The following KCNJ15 variants were observed in gnomAD, a reference collection of about 807,000 sequenced individuals.
KCNJ15 encodes the protein potassium inwardly rectifying channel subfamily J member 15, also known as ATP-sensitive inward rectifier potassium channel 15.
A neutral mutation model predicts 23.0 loss-of-function variants in KCNJ15; 14 were observed. The ratio of observed to expected loss-of-function variants is 0.61; its 90% CI spans 0.40 to 0.95. The LOEUF (loss-of-function observed/expected upper bound fraction) is 0.95, where lower values mean the gene tolerates loss of function less well. Ranked by LOEUF, KCNJ15 falls within the 40% of genes least tolerant of loss-of-function variation. The probability of loss-of-function intolerance (pLI) is 0.00; values close to 1 mark genes in which losing one functional copy is unlikely to be tolerated. For synonymous variants in KCNJ15, 185 were observed against 183.2 expected, an observed-to-expected ratio of 1.01 and a Z score of -0.08; for missense variants, 388 against 461.8, an observed-to-expected ratio of 0.84 and a Z score of 1.46.
Position 38,238,954 on chromosome 21 carries a change from T to A in KCNJ15, c.-398-18092T>A, listed in dbSNP as rs558898006. Among the ~76,000 whole-genome samples, 3 of 152,300 alleles carry A rather than the reference T, an allele frequency of 2.0e-5. 1 individual carries two copies. The highest frequency in any genetic ancestry group is 7.2e-5 in the African/African-American group (3 of 41,558). On this transcript the variant is annotated intron_variant, in intron 1 of 4. Coordinates refer to the KCNJ15 transcript ENST00000547341. ...ATTCTGCAGTTGAAAAGCAAGTCAC[T>A]TGGGAAGATCTGCAAGTTAAAGCCC...
intron 1 of KCNJ15, among the ~76,000 whole-genome samples, chr21:38,238,867 T>C (rs1319290369): frequency 1.3e-5 from 2 of 152,254 alleles, no homozygotes; most frequent in Non-Finnish European, 2.9e-5. Context: ...TTCAGTTCTC[T>C]CTTTAACCTT....
In KCNJ15 at chr21:38,299,802, A is replaced by C. The variant is rs751832328; in HGVS notation, c.541A>C (p.Ser181Arg). ...PKKRAETIKF[S>R]HCAVITKQNG... ...AAAGCGGGCTGAGACCATCAAGTTCAGCCACTGTGCAGTCATCACCAAGCA... is the reference window on the plus strand; with the variant it reads ...AAAGCGGGCTGAGACCATCAAGTTCCGCCACTGTGCAGTCATCACCAAGCA... The change falls in exon 3 of 3, where the codon AGC becomes CGC. Residue 181 changes from serine (S) to arginine (R), a missense_variant. Physicochemically the swap from Ser to Arg is moderately radical, Grantham distance 110. Transcript: ENST00000398938. This position sits in a 1 kb window ranked among gnomAD's most constrained non-coding sequence, Gnocchi z 4.5. 5 of 1,614,148 alleles carry C rather than the reference A, an allele frequency of 3.1e-6. No individual in the cohort carries two copies. The highest frequency in any genetic ancestry group is 4.2e-6 in the Non-Finnish European group (5 of 1,180,032).
intron 1 of KCNJ15, among the ~76,000 whole-genome samples, chr21:38,262,533 T>C (rs1981022065): frequency 6.6e-6 from 1 of 152,170 alleles, no homozygotes; most frequent in African/African-American, 2.4e-5. Context: ...CAGAATACAA[T>C]GGTACTGTAT....
At chr21:38,254,661 T>A (rs1024511990), upstream of KCNJ15, among the ~76,000 whole-genome samples, 1 of 152,218 alleles carries the variant, frequency 6.6e-6, no homozygotes, top group Non-Finnish European at 1.5e-5. Flanking sequence ...AATGCATGGA[T>A]TGAAAGTGAA....
At chr21:38,273,656 A>G (rs1403598513) in intron 1 of KCNJ15, among the ~76,000 whole-genome samples, 1 of 152,266 alleles carries the variant, frequency 6.6e-6, no homozygotes, top group African/African-American at 2.4e-5. Context: ...AGAATGGTCC[A>G]TAAAACTAAT....
At chr21:38,260,459 A>G (rs547468978) in intron 1 of KCNJ15, among the ~76,000 whole-genome samples, 1 of 152,354 alleles carries the variant, frequency 6.6e-6, no homozygotes, top group Non-Finnish European at 1.5e-5. Flanking sequence ...TTGTGCCTCA[A>G]CTAGAGAAGA....
In KCNJ15 at chr21:38,300,294, G is replaced by T. The variant is rs1198512654; in HGVS notation, c.1033G>T (p.Asp345Tyr). The change falls in exon 3 of 3, where the codon GAT (aspartate) becomes TAT (tyrosine). Residue 345 changes from aspartate (D) to tyrosine (Y), a missense_variant. By Grantham distance (160) the Asp-to-Tyr change is radical. Transcript: ENST00000398938. ...CCCAGATTGCACATTTTACTGTGCA[G>T]ATTCTGAGAAACAGCAACTCGAGGA... The part of the protein sequence containing the change: ...KSPDCTFYCA[D>Y]SEKQQLEEKY... 3.1e-6 allele frequency: 5 copies of T among 1,613,916 alleles called. No homozygotes were observed. The South Asian group carries it at 5.5e-5, about 18-fold the overall frequency.
At chr21:38,293,223 T>C (rs73907711) in intron 1 of KCNJ15, among the ~76,000 whole-genome samples, 4,763 of 152,158 alleles carry the variant, frequency 0.031, 184 homozygotes, top group East Asian at 0.088. Context: ...AGTTTCCTTC[T>C]TCCCACTTAC....
intron 1 of KCNJ15, among the ~76,000 whole-genome samples, chr21:38,288,026 CTTTG>C (rs1469060335): frequency 0.012 from 923 of 78,144 alleles, 158 homozygotes; most frequent in African/African-American, 0.042. Context: ...TTGTTTTTTT[CTTTG>C]TTTTTTTTTT....
chr21:38,249,206 T>C (rs773721558), intron 1 of KCNJ15, among the ~76,000 whole-genome samples: 2 of 152,154 alleles, frequency 1.3e-5, no homozygotes, highest in Non-Finnish European at 2.9e-5. Context: ...AGATAAGACA[T>C]ACCACTGAGC....
chr21:38,251,658 T>G (rs898361312), intron 1 of KCNJ15, among the ~76,000 whole-genome samples: 1 of 152,216 alleles, frequency 6.6e-6, no homozygotes, highest in Non-Finnish European at 1.5e-5. Context: ...CATTTTCCAA[T>G]TATTTTTTAT....
intron 1 of KCNJ15, among the ~76,000 whole-genome samples, chr21:38,293,720 A>G (rs1984859383): frequency 7.0e-6 from 1 of 142,552 alleles, no homozygotes; most frequent in Non-Finnish European, 1.5e-5. Flanking sequence ...AGTCCTCAGT[A>G]GTCTAAGGAA....
chr21:38,235,722 C>G (rs1415683525), intron 1 of KCNJ15, among the ~76,000 whole-genome samples: 2 of 152,124 alleles, frequency 1.3e-5, no homozygotes, highest in Non-Finnish European at 1.5e-5. Context: ...TGCACATTTA[C>G]TCTATCAATA....
In KCNJ15 at chr21:38,300,992, T is replaced by C. The variant is rs1052444708; in HGVS notation, c.*603T>C. 12 of 167,124 alleles carry C rather than the reference T, an allele frequency of 7.2e-5. No individual in the cohort carries two copies. Among genetic ancestry groups the C allele is most frequent in the African/African-American group, 2.9e-4 (12 of 41,470 alleles). The allele number at this position is 167,124 out of a possible 1,614,324, so 10.4% of individuals were successfully genotyped here. A position where few individuals can be genotyped will look rare whatever the true frequency, so the allele number is the denominator to read the frequency against. Reference sequence around the variant, plus strand: ...TGTATGGAAGGAAATTGATCAGATCTGTAATTCACAACTGTGGAAACCTAC... The same window carrying C: ...TGTATGGAAGGAAATTGATCAGATCCGTAATTCACAACTGTGGAAACCTAC... On this transcript the variant is annotated 3_prime_UTR_variant, in exon 3 of 3. Transcript: ENST00000398938.
At position 38,266,975 on chromosome 21, in the gene KCNJ15, A is replaced by C. The variant is rs1007062339; in HGVS notation, c.-117+9790A>C. Among the ~76,000 whole-genome samples, 2 of 152,292 alleles carry C rather than the reference A, an allele frequency of 1.3e-5. 1 individual carries two copies. Among genetic ancestry groups the C allele is most frequent in the South Asian group, 4.1e-4 (2 of 4,820 alleles). On this transcript the variant is annotated intron_variant, in intron 1 of 2. Coordinates refer to ENST00000398938, the MANE Select transcript of KCNJ15 (RefSeq NM_170736.3). ...TTTGGTTTTCTGGGTCCTGAGCTGC[A>C]CTTTAGAAATACCAGTCTGGCAGTG...
rs186953190 is a variant in KCNJ15, at chr21:38,249,676, C to T, written c.-398-7370C>T. Among the ~76,000 whole-genome samples the T allele has an allele frequency of 7.2e-5, 11 of 152,328 alleles. No homozygotes were observed. In the East Asian group the frequency reaches 2.1e-3, roughly 29 times the overall value. On this transcript the variant is annotated intron_variant, in intron 1 of 4. Coordinates refer to the KCNJ15 transcript ENST00000547341. ...GTATGTTTGACTTTAATTTCAGAAG[C>T]CTGACTTTGGCTCAGTCATAATTCT...
At chr21:38,238,439 C>A (rs1978766023) in intron 1 of KCNJ15, 1 of 670,976 alleles carries the variant, frequency 1.5e-6, no homozygotes, top group South Asian at 1.4e-5. Context: ...TGCACCAGAA[C>A]TTTGGTGTCC....
intron 1 of KCNJ15, among the ~76,000 whole-genome samples, chr21:38,247,929 C>A (rs568616533): frequency 1.3e-5 from 2 of 152,166 alleles, no homozygotes; most frequent in African/African-American, 4.8e-5. Context: ...ACCTTGCTGG[C>A]GTGGGCTTCC....
chr21:38,234,028 T>A (rs1337732842), intron 1 of KCNJ15, among the ~76,000 whole-genome samples: 1 of 152,238 alleles, frequency 6.6e-6, no homozygotes, highest in Non-Finnish European at 1.5e-5. Flanking sequence ...TTATTTCCTG[T>A]GCATTCAGGT....
Sources: gnomAD v4.1 joint callset for allele counts (sites outside exome capture counted in the v4.1 genomes callset) on GRCh38, gnomAD v4.1.1 for gene constraint, Gnocchi (gnomAD v3.1) non-coding constraint, MANE v1.5 for transcripts, NCBI Gene and HGNC (gene_info 2026-07-23, HGNC 2026-07-21) for gene names.